DMRT1: variants seen among roughly 807,000 people sequenced by gnomAD.
The protein encoded by DMRT1 is doublesex- and mab-3-related transcription factor 1.
Under a neutral mutation model 32.3 loss-of-function variants are expected in DMRT1, and 7 were observed. The observed-to-expected ratio is 0.22, with a 90% confidence interval of 0.12 to 0.41. The LOEUF is 0.41. Among genes scored for constraint, DMRT1 ranks in the 10% least tolerant of loss-of-function variants. The pLI is 1.00. For missense variants in DMRT1, 625 were observed against 500.5 expected (o/e 1.25, Z -2.37); for synonymous variants, 278 against 206.1 (o/e 1.35, Z -2.99).
At chr9:942,991 C>G (rs555818195) in intron 4 of DMRT1, among the ~76,000 whole-genome samples, 1 of 152,222 alleles carries the variant, frequency 6.6e-6, no homozygotes, top group South Asian at 2.1e-4. Context: ...CACCCCTCCC[C>G]CCAACCCTAT....
At chr9:874,638 C>G (rs1263019054) in intron 2 of DMRT1, among the ~76,000 whole-genome samples, 1 of 152,072 alleles carries the variant, frequency 6.6e-6, no homozygotes, top group Non-Finnish European at 1.5e-5. Context: ...GTACCCCTTT[C>G]TTCAAATCTT....
chr9:884,539 T>C (rs1382647687), intron 2 of DMRT1, among the ~76,000 whole-genome samples: 1 of 152,206 alleles, frequency 6.6e-6, no homozygotes, highest in Non-Finnish European at 1.5e-5. Context: ...TCTGTTATGG[T>C]CTGTGGGACA....
At chr9:861,243 G>C (rs10977173) in intron 2 of DMRT1, among the ~76,000 whole-genome samples, 50,706 of 151,280 alleles carry the variant, frequency 0.34, 9,873 homozygotes, top group Non-Finnish European at 0.44. Context: ...TCCCTGGGTA[G>C]TTGAGATTAG....
intron 4 of DMRT1, among the ~76,000 whole-genome samples, chr9:958,942 G>A (rs1479382153): frequency 6.6e-6 from 1 of 152,284 alleles, no homozygotes; most frequent in South Asian, 2.1e-4. Context: ...TGCCCATCAA[G>A]GTTGGGATTT....
intron 3 of DMRT1, among the ~76,000 whole-genome samples, chr9:904,557 G>T (rs543300309): frequency 1.3e-5 from 2 of 152,300 alleles, no homozygotes; most frequent in East Asian, 3.9e-4. Context: ...TGCATTTGTT[G>T]ATTGTTTTTA....
intron 2 of DMRT1, among the ~76,000 whole-genome samples, chr9:887,380 GT>G (rs1389987204): frequency 6.6e-6 from 1 of 152,140 alleles, no homozygotes; most frequent in East Asian, 1.9e-4. Flanking sequence ...TCTTAGGTCT[GT>G]TTTTTGTGCT....
intron 4 of DMRT1, among the ~76,000 whole-genome samples, chr9:946,798 T>C (rs1819260483): frequency 6.6e-6 from 1 of 151,992 alleles, no homozygotes; most frequent in African/African-American, 2.4e-5. Flanking sequence ...GCCTCCTTGG[T>C]AGGAAAGATT....
At chr9:902,107 GCC>G (rs1224721409) in intron 3 of DMRT1, among the ~76,000 whole-genome samples, 1 of 146,124 alleles carries the variant, frequency 6.8e-6, no homozygotes, top group Non-Finnish European at 1.5e-5. Flanking sequence ...ATGGGGTTTT[GCC>G]ATGTTGGCCA....
chr9:920,465 C>T (rs748679506), intron 4 of DMRT1, among the ~76,000 whole-genome samples: 4 of 152,122 alleles, frequency 2.6e-5, no homozygotes, highest in Non-Finnish European at 4.4e-5. Flanking sequence ...CGACCATCAG[C>T]TGTTGCAAGG....
intron 4 of DMRT1, among the ~76,000 whole-genome samples, chr9:937,896 G>A (rs1586641624): frequency 6.6e-6 from 1 of 150,848 alleles, no homozygotes; most frequent in African/African-American, 2.4e-5. Flanking sequence ...CTGTGCTTTT[G>A]GTGTCATATT....
intron 3 of DMRT1, among the ~76,000 whole-genome samples, chr9:900,002 A>G (rs1034746888): frequency 6.6e-6 from 1 of 152,214 alleles, no homozygotes; most frequent in African/African-American, 2.4e-5. Flanking sequence ...TCCATTGACG[A>G]TAAGGCACCT....
rs1236888523 is a variant in DMRT1, at chr9:968,408, A to G, written c.*269A>G. The stretch of plus-strand genomic sequence containing the variant: ...ATGACACTGGTTTCATGTAGTTTTC[A>G]AGAAATAAAAGAATTCATTCAAGTG... On this transcript the variant is annotated 3_prime_UTR_variant, in exon 5 of 5. Transcript: ENST00000382276. The G allele has an allele frequency of 2.5e-6, 1 of 396,706 alleles. No individual in the cohort carries two copies. The highest frequency in any genetic ancestry group is 2.0e-5 in the African/African-American group (1 of 49,232). The allele number at this position is 396,706 out of a possible 1,614,324, so 24.6% of individuals were successfully genotyped here.
chr9:920,488 G>A (rs10117016), intron 4 of DMRT1, among the ~76,000 whole-genome samples: 1,573 of 152,292 alleles, frequency 0.01, 26 homozygotes, highest in African/African-American at 0.037. Flanking sequence ...GAAATGATCA[G>A]TGACCTTCTG....
chr9:893,802 G>T, intron 2 of DMRT1, 110 bp from the exon 3 acceptor site: 1 of 981,332 alleles, frequency 1.0e-6, no homozygotes, highest in Non-Finnish European at 1.6e-6. Context: ...TTTGTCTTCT[G>T]CATATTCAGC....
intron 4 of DMRT1, among the ~76,000 whole-genome samples, chr9:926,440 G>A (rs948332175): frequency 1.3e-5 from 2 of 152,148 alleles, no homozygotes; most frequent in Admixed American, 6.5e-5. Flanking sequence ...GGCATCAGCT[G>A]TTAAGTGATT....
At chr9:853,549 T>G (rs1338748671) in intron 2 of DMRT1, among the ~76,000 whole-genome samples, 6 of 150,916 alleles carry the variant, frequency 4.0e-5, no homozygotes, top group Non-Finnish European at 7.4e-5. Context: ...CTCGGCTCAC[T>G]GCAATCTCCG....
At chr9:931,129 G>A (rs993849723) in intron 4 of DMRT1, among the ~76,000 whole-genome samples, 10 of 152,228 alleles carry the variant, frequency 6.6e-5, no homozygotes, top group African/African-American at 2.2e-4. Context: ...GGTCTTTTGT[G>A]TCCGACTTCT....
intron 2 of DMRT1, among the ~76,000 whole-genome samples, chr9:884,931 C>G (rs1366985781): frequency 1.3e-5 from 2 of 152,216 alleles, no homozygotes; most frequent in African/African-American, 4.8e-5. Flanking sequence ...GATCACACCA[C>G]TACACTCCAG....
At chr9:842,392 G>T (rs976067146) in intron 1 of DMRT1, 200 bp downstream of exon 1, 8 of 671,492 alleles carry the variant, frequency 1.2e-5, no homozygotes, top group African/African-American at 3.7e-5. Context: ...ACACCACCAT[G>T]CCCGGCTAAT....
Sources: gnomAD v4.1 joint callset for allele counts (sites outside exome capture counted in the v4.1 genomes callset) on GRCh38, gnomAD v4.1.1 for gene constraint, MANE v1.5 for transcripts, NCBI Gene and HGNC (gene_info 2026-07-23, HGNC 2026-07-21) for gene names.